ARFGAP2: variants seen among roughly 807,000 people sequenced by gnomAD.
The protein encoded by ARFGAP2 is ADP-ribosylation factor GTPase-activating protein 2.
A neutral mutation model predicts 71.9 loss-of-function variants in ARFGAP2; 45 were observed. The observed-to-expected ratio is 0.63, with a 90% CI of 0.49 to 0.80. ARFGAP2 has a LOEUF of 0.80. Among genes scored for constraint, ARFGAP2 ranks in the 30% least tolerant of loss-of-function variants. The pLI is 0.00. For synonymous variants in ARFGAP2, 248 were observed against 249.2 expected, an observed-to-expected ratio of 1.00 and a Z score of 0.05; for missense variants, 633 against 673.9, an observed-to-expected ratio of 0.94 and a Z score of 0.67.
intron 2 of ARFGAP2, 141 bp downstream of exon 2, chr11:47,176,375 G>T: frequency 1.2e-6 from 1 of 811,378 alleles, no homozygotes; most frequent in Non-Finnish European, 2.0e-6. Flanking sequence ...GTTCCCTCTG[G>T]CAGGAGGCTA....
intron 10 of ARFGAP2, chr11:47,168,525 T>G: frequency 3.5e-6 from 1 of 289,036 alleles, no homozygotes; most frequent in South Asian, 4.5e-5. Flanking sequence ...TAATTTAATT[T>G]TATTTATTTA....
Position 47,176,815 on chromosome 11 carries a change from AAG to A in ARFGAP2, c.37_38del (p.Leu13PhefsTer2), listed in dbSNP as rs751567258. 1.2e-6 allele frequency: 2 copies of A among 1,614,040 alleles called. No homozygotes were observed. The highest frequency in any genetic ancestry group is 8.5e-7 in the Non-Finnish European group (1 of 1,180,018). On this transcript the variant is annotated frameshift_variant, in exon 1 of 16. Coordinates refer to ENST00000524782, the MANE Select transcript of ARFGAP2 (RefSeq NM_032389.6). LOFTEE classifies it high-confidence loss of function. ...AEPNKTEIQT[L>X]FKRLRAVPTN... ...TTGGAACTGCGCGAAGCCTCTTAAA[AAG>A]AGTCTGGATTTCGGTCTTGTTCGGC...
chr11:47,171,987 A>C (rs1952618033), intron 8 of ARFGAP2, 187 bp from the exon 9 acceptor site: 9 of 920,094 alleles, frequency 9.8e-6, no homozygotes, highest in Non-Finnish European at 1.4e-5. Flanking sequence ...CGGCTCACAC[A>C]GCCCCAGCAG....
intron 5 of ARFGAP2, 87 bp from the exon 6 acceptor site, chr11:47,173,927 G>A: frequency 6.5e-7 from 1 of 1,541,942 alleles, no homozygotes; most frequent in African/African-American, 1.4e-5. Flanking sequence ...TTGTGGACAA[G>A]AAATCATACT....
At position 47,172,340 on chromosome 11, in the gene ARFGAP2, G is replaced by A. The variant is rs748330162; in HGVS notation, c.620-7C>T. The A allele has an allele frequency of 1.9e-6, 3 of 1,614,134 alleles. No homozygotes were observed. The highest frequency in any genetic ancestry group is 1.7e-6 in the Non-Finnish European group (2 of 1,180,016). On this transcript the variant is annotated splice_polypyrimidine_tract_variant and splice_region_variant and intron_variant, in intron 7 of 15. Coordinates refer to ENST00000524782, the MANE Select transcript of ARFGAP2 (RefSeq NM_032389.6). ...ATGATGGAGCTTTTCAGTTCTGCGT[G>A]AGAAACGGGTAGGCATGAGCTAAGA...
intron 5 of ARFGAP2, among the ~76,000 whole-genome samples, chr11:47,174,240 C>T (rs1225147484): frequency 1.3e-5 from 2 of 152,020 alleles, no homozygotes; most frequent in East Asian, 1.9e-4. Context: ...CACAGGAATG[C>T]GGAGTAGAGA....
chr11:47,173,951 G>T, intron 5 of ARFGAP2, 111 bp from the exon 6 acceptor site: 1 of 1,528,648 alleles, frequency 6.5e-7, no homozygotes. Context: ...AACCCATGAG[G>T]AAAGGGACTG....
chr11:47,169,748 C>T (rs1044319353), intron 10 of ARFGAP2, among the ~76,000 whole-genome samples: 2 of 152,052 alleles, frequency 1.3e-5, no homozygotes, highest in Admixed American at 1.3e-4. Context: ...ATAGCTTGAA[C>T]CCCGGAGGCG....
At chr11:47,172,203 TGGTAA>T in intron 8 of ARFGAP2, 73 bp downstream of exon 8, 1 of 1,394,422 alleles carries the variant, frequency 7.2e-7, no homozygotes, top group Non-Finnish European at 1.0e-6. Context: ...AGCTGGTAAG[TGGTAA>T]GGTCAAGGAG....
intron 1 of ARFGAP2, 38 bp downstream of exon 1, chr11:47,176,744 G>A: frequency 6.2e-7 from 1 of 1,613,276 alleles, no homozygotes; most frequent in Non-Finnish European, 8.5e-7. Flanking sequence ...TCAGGCCCCA[G>A]CGGGACGAGA....
At chr11:47,176,237 A>G in intron 2 of ARFGAP2, 1 of 587,094 alleles carries the variant, frequency 1.7e-6, no homozygotes, top group Admixed American at 3.0e-5. Flanking sequence ...TATCAGCAAC[A>G]ACAAGGTCAA....
chr11:47,169,763 T>C (rs1590950890), intron 10 of ARFGAP2, among the ~76,000 whole-genome samples: 1 of 151,570 alleles, frequency 6.6e-6, no homozygotes, highest in Non-Finnish European at 1.5e-5. Context: ...GAGGCGGAGG[T>C]TGTGGTGAGC....
At chr11:47,173,358 C>T in intron 7 of ARFGAP2, 68 bp downstream of exon 7, 4 of 1,529,172 alleles carry the variant, frequency 2.6e-6, no homozygotes, top group Non-Finnish European at 3.5e-6. Context: ...GGCAGTAGGA[C>T]CTCTGAAAAG....
In ARFGAP2 at chr11:47,173,780, T is replaced by C. The variant is rs533229476; in HGVS notation, c.541A>G (p.Thr181Ala). The stretch of plus-strand genomic sequence containing the variant: ...TCACGTGCCAGGCCACTGCTCTCTG[T>C]AGACGGGGCTGGCTGCTGGGTCCCT... ...PSGTQQPAPS[T>A]ESSGLAQPEH... Residue 181 changes from threonine (T) to alanine (A), a missense_variant, in exon 6 of 16, where the codon ACA becomes GCA. By Grantham distance (58) the Thr-to-Ala change is moderately conservative. Transcript: ENST00000524782. 1.8e-5 allele frequency: 29 copies of C among 1,604,688 alleles called. No homozygotes were observed. In the South Asian group the frequency reaches 3.3e-4, roughly 18 times the overall value.
chr11:47,175,570 C>A (rs1952776039), intron 3 of ARFGAP2: 3 of 630,672 alleles, frequency 4.8e-6, no homozygotes, highest in Non-Finnish European at 8.2e-6. Flanking sequence ...TACCCAGCCT[C>A]CCCATCCTTC....
chr11:47,174,958 C>A, intron 5 of ARFGAP2, 57 bp downstream of exon 5: 1 of 1,568,070 alleles, frequency 6.4e-7, no homozygotes, highest in Middle Eastern at 1.8e-4. Flanking sequence ...AAGGCCTGGG[C>A]CTTGGTAAAT....
In ARFGAP2 at chr11:47,166,599, A is replaced by G. The variant is rs199499614; in HGVS notation, c.1333T>C (p.Tyr445His). The G allele has an allele frequency of 8.7e-6, 14 of 1,611,928 alleles. No homozygotes were observed. The highest frequency in any genetic ancestry group is 1.3e-5 in the African/African-American group (1 of 75,034). Residue 445 changes from tyrosine to histidine, a missense_variant and splice_region_variant, in exon 14 of 16, where the codon TAT becomes CAT. Tyr to His is a moderately conservative substitution (Grantham distance 83). Transcript: ENST00000524782. ...TGCTGCAGCCGAGACCTGGCCTCAT[A>G]CTGTGGTGAGGAAAAGGCCAGGCCT... Reference protein sequence around the residue: ...MFFGREVDAEYEARSRLQQLS... With the variant: ...MFFGREVDAEHEARSRLQQLS...
chr11:47,172,403 T>C lies in ARFGAP2; in HGVS notation c.620-70A>G, dbSNP rs1952641583. On this transcript the variant is annotated intron_variant, in intron 7 of 15. Coordinates refer to ENST00000524782, the MANE Select transcript of ARFGAP2 (RefSeq NM_032389.6). ...AGAGGCAGTAGCTCAGTATACACCA[T>C]GCAGCTTCATGGCAAGAGCTCCTAA... is the stretch of plus-strand genomic sequence containing the variant. 5 of 1,532,730 alleles carry C rather than the reference T, an allele frequency of 3.3e-6. 1 individual carries two copies. Among genetic ancestry groups the C allele is most frequent in the Middle Eastern group, 1.7e-4 (1 of 5,726 alleles). 94.9% of individuals were successfully genotyped at this position (1,532,730 alleles called of 1,614,324 possible).
Position 47,165,299 on chromosome 11 carries a change from A to T in ARFGAP2, c.*183T>A. The T allele has an allele frequency of 1.7e-6, 1 of 593,802 alleles. No homozygotes were observed. Among genetic ancestry groups the T allele is most frequent in the Non-Finnish European group, 2.8e-6 (1 of 363,398 alleles). 36.8% of individuals were successfully genotyped at this position (593,802 alleles called of 1,614,324 possible). A position where few individuals can be genotyped will look rare whatever the true frequency, so the allele number is the denominator to read the frequency against. On this transcript the variant is annotated 3_prime_UTR_variant, in exon 16 of 16. Transcript: ENST00000524782. ...AAAGGGCTCAGTCCACAGGCAGAGG[A>T]CAAGGGCTGGTACTGACCATTCCCC...
Sources: allele counts gnomAD v4.1 joint callset (sites outside exome capture counted in the v4.1 genomes callset), GRCh38; gene constraint gnomAD v4.1.1; transcripts MANE v1.5; gene names NCBI Gene and HGNC (gene_info 2026-07-23, HGNC 2026-07-21).